SMCHD1: variants seen among roughly 807,000 people sequenced by gnomAD.
SMCHD1 encodes structural maintenance of chromosomes flexible hinge domain-containing protein 1.
A neutral mutation model predicts 254.7 loss-of-function variants in SMCHD1; 78 were observed. The observed-to-expected ratio is 0.31, with a 90% CI of 0.26 to 0.37. The LOEUF (loss-of-function observed/expected upper bound fraction) is 0.37, where lower values mean the gene tolerates loss of function less well. Ranked by LOEUF, SMCHD1 falls within the 10% of genes least tolerant of loss-of-function variation. The pLI is 1.00. For missense variants in SMCHD1, 1,840 were observed against 2,408.1 expected, an observed-to-expected ratio of 0.76 and a Z score of 4.94; for synonymous variants, 766 against 794.9, an observed-to-expected ratio of 0.96 and a Z score of 0.61.
chr18:2,765,634 G>T (rs2075853243), intron 37 of SMCHD1, among the ~76,000 whole-genome samples: 2 of 152,148 alleles, frequency 1.3e-5, no homozygotes, highest in African/African-American at 4.8e-5. Flanking sequence ...TCAACACTGG[G>T]TGAGGATTCT....
chr18:2,696,064 G>A (rs893834737), intron 8 of SMCHD1, among the ~76,000 whole-genome samples: 5 of 152,122 alleles, frequency 3.3e-5, no homozygotes, highest in South Asian at 2.1e-4. Flanking sequence ...GAATAAAGAC[G>A]TGGTATTTTA....
At chr18:2,792,171 C>G (rs1420538075) in intron 45 of SMCHD1, among the ~76,000 whole-genome samples, 1 of 152,162 alleles carries the variant, frequency 6.6e-6, no homozygotes, top group Non-Finnish European at 1.5e-5. Flanking sequence ...GCAATACTGT[C>G]ATGTGCCGCA....
intron 37 of SMCHD1, among the ~76,000 whole-genome samples, chr18:2,764,602 A>T (rs2075837390): frequency 6.6e-6 from 1 of 152,278 alleles, no homozygotes. Context: ...TTAGGAAAAA[A>T]ATTTCATCTG....
intron 47 of SMCHD1, chr18:2,800,532 C>T (rs2076341275): frequency 6.6e-6 from 1 of 152,110 alleles, no homozygotes; most frequent in African/African-American, 2.4e-5. Context: ...GAGATGGGGT[C>T]TTGCTGTGTT....
At chr18:2,770,837 T>C (rs1188127458) in intron 39 of SMCHD1, among the ~76,000 whole-genome samples, 2 of 152,076 alleles carry the variant, frequency 1.3e-5, no homozygotes, top group Non-Finnish European at 2.9e-5. Flanking sequence ...GCCGGGCTGG[T>C]CTCGAACTTC....
intron 25 of SMCHD1, 130 bp from the exon 26 acceptor site, chr18:2,738,257 CACCGTTTCTG>C: frequency 1.5e-6 from 1 of 679,382 alleles, no homozygotes; most frequent in Non-Finnish European, 2.3e-6. Flanking sequence ...ATATGAACCA[CACCGTTTCTG>C]ACCATAAAGA....
rs1268579360 is a variant in SMCHD1, at chr18:2,726,865, T to C, written c.2773+341T>C. ...GTTTCATATTTTAAGAAGAAAAACTTCTAATGTTATTTTTATTAAGTTAAC... is the reference window on the plus strand; with the variant it reads ...GTTTCATATTTTAAGAAGAAAAACTCCTAATGTTATTTTTATTAAGTTAAC... On this transcript the variant is annotated intron_variant, in intron 22 of 47. Coordinates refer to ENST00000320876, the MANE Select transcript of SMCHD1 (RefSeq NM_015295.3). 3.9e-5 allele frequency: 6 copies of C among 155,550 alleles called. No individual in the cohort carries two copies. In the Admixed American group the frequency reaches 3.9e-4, roughly 10 times the overall value. 9.6% of individuals were successfully genotyped at this position (155,550 alleles called of 1,614,324 possible). A position where few individuals can be genotyped will look rare whatever the true frequency, so the allele number is the denominator to read the frequency against.
intron 5 of SMCHD1, among the ~76,000 whole-genome samples, chr18:2,679,480 C>CAAAAAAAAAAAAAACAA (rs2073873072): frequency 1.7e-5 from 1 of 58,676 alleles, no homozygotes; most frequent in Non-Finnish European, 3.9e-5. Flanking sequence ...ACTCCATCTC[C>CAAAAAAAAAAAAAACAA]AAAAAAAAAA....
At chr18:2,669,314 C>T (rs942913526) in intron 3 of SMCHD1, among the ~76,000 whole-genome samples, 1 of 152,098 alleles carries the variant, frequency 6.6e-6, no homozygotes, top group Non-Finnish European at 1.5e-5. Flanking sequence ...CACCCCTGCA[C>T]TTCAGTCTGG....
At chr18:2,673,144 T>C in intron 3 of SMCHD1, 137 bp from the exon 4 acceptor site, 1 of 1,326,400 alleles carries the variant, frequency 7.5e-7, no homozygotes, top group Non-Finnish European at 9.7e-7. Flanking sequence ...TATTATGTAT[T>C]ATATCATTAG....
At chr18:2,790,904 G>A (rs141600143) in intron 45 of SMCHD1, among the ~76,000 whole-genome samples, 1 of 152,120 alleles carries the variant, frequency 6.6e-6, no homozygotes, top group African/African-American at 2.4e-5. Flanking sequence ...GTGTACATCT[G>A]TCATATATCA....
At position 2,673,331 on chromosome 18, in the gene SMCHD1, A is replaced by G. The variant is rs780192800; in HGVS notation, c.475A>G (p.Asn159Asp). ...CAATTCATTGTCTGCTACTTCTCGTAACATTGGGGTTAGAAGAATACAGAT... is the reference window on the plus strand; with the variant it reads ...CAATTCATTGTCTGCTACTTCTCGTGACATTGGGGTTAGAAGAATACAGAT... ...IDNSLSATSR[N>D]IGVRRIQIKL... The change falls in exon 4 of 48, where the codon AAC becomes GAC. Residue 159 changes from asparagine to aspartate, a missense_variant. Coordinates refer to ENST00000320876, the MANE Select transcript of SMCHD1 (RefSeq NM_015295.3). 1.3e-6 allele frequency: 2 copies of G among 1,584,324 alleles called. No homozygotes were observed. Among genetic ancestry groups the G allele is most frequent in the Non-Finnish European group, 1.7e-6 (2 of 1,159,202 alleles).
At chr18:2,775,998 A>G (rs2076059793) in intron 42 of SMCHD1, 74 bp downstream of exon 42, 3 of 1,272,028 alleles carry the variant, frequency 2.4e-6, no homozygotes, top group Non-Finnish European at 3.2e-6. Flanking sequence ...GAATTTAAAA[A>G]TGATTTCTCT....
intron 45 of SMCHD1, among the ~76,000 whole-genome samples, chr18:2,786,674 A>G (rs2076245643): frequency 6.6e-6 from 1 of 152,182 alleles, no homozygotes; most frequent in African/African-American, 2.4e-5. Flanking sequence ...TCTGGGTGAC[A>G]AGAGCAAAAC....
chr18:2,789,976 G>T (rs2076294503), intron 45 of SMCHD1, among the ~76,000 whole-genome samples: 1 of 152,120 alleles, frequency 6.6e-6, no homozygotes, highest in African/African-American at 2.4e-5. Flanking sequence ...GAGGTCAGGA[G>T]ATTGAGACCA....
chr18:2,795,414 T>G (rs1262189143), intron 45 of SMCHD1, among the ~76,000 whole-genome samples: 2 of 152,192 alleles, frequency 1.3e-5, no homozygotes, highest in African/African-American at 4.8e-5. Context: ...ATGATTTTCT[T>G]TTTTTACAGT....
intron 39 of SMCHD1, among the ~76,000 whole-genome samples, chr18:2,770,893 A>G (rs2075970929): frequency 6.6e-6 from 1 of 152,174 alleles, no homozygotes; most frequent in Non-Finnish European, 1.5e-5. Flanking sequence ...AAGTGCTAGG[A>G]TTACAGGTGT....
chr18:2,694,949 AAG>A (rs1241297727), intron 8 of SMCHD1, among the ~76,000 whole-genome samples: 12 of 152,224 alleles, frequency 7.9e-5, no homozygotes, highest in African/African-American at 2.9e-4. Context: ...AAAATTAAAA[AAG>A]AACTTCACAG....
chr18:2,701,164 G>GTTTTT (rs60371199), intron 12 of SMCHD1: 2 of 196,428 alleles, frequency 1.0e-5, no homozygotes, highest in Non-Finnish European at 2.0e-5. Flanking sequence ...AGTTTTTTTT[G>GTTTTT]TTTTTTTTTT....
Sources: allele counts gnomAD v4.1 joint callset (sites outside exome capture counted in the v4.1 genomes callset), GRCh38; gene constraint gnomAD v4.1.1; transcripts MANE v1.5; gene names NCBI Gene and HGNC (gene_info 2026-07-23, HGNC 2026-07-21).